The following SH3BP5 variants were observed in gnomAD, a reference collection of about 807,000 sequenced individuals.
SH3BP5 encodes SH3 domain binding protein 5.
In SH3BP5, 22 loss-of-function variants were observed where a neutral mutation model predicts 43.3. The observed-to-expected ratio is 0.51, with a 90% confidence interval of 0.36 to 0.73. The LOEUF (loss-of-function observed/expected upper bound fraction) is 0.73. Ranked by LOEUF, SH3BP5 falls within the 30% of genes least tolerant of loss-of-function variation. The pLI, the probability that SH3BP5 is intolerant of heterozygous loss-of-function variation, is 0.00. For missense variants in SH3BP5, 529 were observed against 586.9 expected (o/e 0.90, Z 1.02); for synonymous variants, 255 against 225.8 (o/e 1.13, Z -1.16).
intron 2 of SH3BP5, among the ~76,000 whole-genome samples, chr3:15,316,218 G>A (rs935153682): frequency 5.6e-5 from 6 of 106,278 alleles, no homozygotes; most frequent in Non-Finnish European, 9.5e-5. Context: ...GAAAAGACTC[G>A]CTTTTTTTTT....
rs753856713 is a variant in SH3BP5 at position 15,257,053 on chromosome 3, T to A, written c.950A>T (p.Glu317Val). The change falls in exon 8 of 9, where the codon GAA (glutamate) becomes GTA (valine). Residue 317 changes from glutamate to valine, a missense_variant. Coordinates refer to ENST00000383791, the MANE Select transcript of SH3BP5 (RefSeq NM_004844.5). ...ACTAAAGCTGGACACGGACTGGGTT[T>A]CCGAGTCATCTTCAGACACAAAGTT... ...CSNFVSEDDS[E>V]TQSVSSFSSG... 6.2e-7 allele frequency: 1 copy of A among 1,614,064 alleles called. No homozygotes were observed. Among genetic ancestry groups the A allele is most frequent in the Non-Finnish European group, 8.5e-7 (1 of 1,180,040 alleles).
At chr3:15,306,425 T>C (rs1489921274) in intron 2 of SH3BP5, among the ~76,000 whole-genome samples, 1 of 151,632 alleles carries the variant, frequency 6.6e-6, no homozygotes, top group Non-Finnish European at 1.5e-5. Context: ...GAAAGATCGC[T>C]TAAGCCCAGA....
intron 2 of SH3BP5, among the ~76,000 whole-genome samples, chr3:15,314,196 G>A (rs368301833): frequency 3.2e-4 from 49 of 151,924 alleles, no homozygotes; most frequent in African/African-American, 1.1e-3. Context: ...GCAGTGGCGC[G>A]ATCTCGGCTC....
rs370273754 is a variant in SH3BP5 at position 15,296,694 on chromosome 3, C to CTTTTT, written c.330+7404_330+7408dup. Among the ~76,000 whole-genome samples, 832 of 124,896 alleles carry CTTTTT rather than the reference C, an allele frequency of 6.7e-3. 61 individuals carry two copies. Among genetic ancestry groups the CTTTTT allele is most frequent in the African/African-American group, 0.027 (789 of 28,908 alleles). The allele number at this position is 124,896 out of a possible 152,430, so 81.9% of individuals were successfully genotyped here. ...ATCCTCCACTTACGAAGTGTTTTTC[C>CTTTTT]TTTTTTTTTTTTTTTTTGAGACAGG... On this transcript the variant is annotated intron_variant, in intron 3 of 8. Transcript: ENST00000383791.
chr3:15,273,841 GTT>G (rs113672949), intron 3 of SH3BP5, among the ~76,000 whole-genome samples: 8,266 of 152,204 alleles, frequency 0.054, 768 homozygotes, highest in African/African-American at 0.19. Flanking sequence ...TGGACTGAAT[GTT>G]TGTGCCCACC....
At chr3:15,279,332 A>G (rs1697057182) in intron 3 of SH3BP5, among the ~76,000 whole-genome samples, 1 of 152,182 alleles carries the variant, frequency 6.6e-6, no homozygotes, top group Admixed American at 6.5e-5. Context: ...CAAGAAATCT[A>G]TGGTATGTAT....
Position 15,323,164 on chromosome 3 carries a change from A to G in SH3BP5, c.201+7340T>C, listed in dbSNP as rs115546598. ...TAAATAAATAAATAAATAAATAAAT[A>G]AAGCAGGGCTCACTCAGGGAAACTA... On this transcript the variant is annotated intron_variant, in intron 2 of 8. Coordinates refer to ENST00000383791, the MANE Select transcript of SH3BP5 (RefSeq NM_004844.5). 2.4e-3 allele frequency among the ~76,000 whole-genome samples: 348 copies of G among 147,208 alleles called. 2 individuals carry two copies. Among genetic ancestry groups the G allele is most frequent in the African/African-American group, 8.3e-3 (332 of 39,898 alleles).
chr3:15,292,985 G>A (rs1697456372), intron 3 of SH3BP5, among the ~76,000 whole-genome samples: 1 of 152,174 alleles, frequency 6.6e-6, no homozygotes, highest in African/African-American at 2.4e-5. Context: ...TGTGTGTCAG[G>A]AGCCTTTGAC....
chr3:15,288,142 TG>T (rs1231105365), intron 3 of SH3BP5, among the ~76,000 whole-genome samples: 2 of 152,190 alleles, frequency 1.3e-5, no homozygotes, highest in African/African-American at 2.4e-5. Context: ...CTCTTGCTCA[TG>T]GGAGGTCCCT....
chr3:15,266,467 C>T (rs192634206), intron 4 of SH3BP5, among the ~76,000 whole-genome samples: 108 of 152,360 alleles, frequency 7.1e-4, no homozygotes, highest in African/African-American at 2.5e-3. Flanking sequence ...GCTCTTTCAG[C>T]AGACATCAGA....
At chr3:15,332,607 C>T (rs1213534594), upstream of SH3BP5, 26 of 1,190,874 alleles carry the variant, frequency 2.2e-5, no homozygotes, top group South Asian at 4.1e-5. Flanking sequence ...CGGCCGCCCC[C>T]TTTCTGCCGC....
intron 2 of SH3BP5, among the ~76,000 whole-genome samples, chr3:15,307,206 C>CCAT (rs946079599): frequency 6.6e-6 from 1 of 152,158 alleles, no homozygotes; most frequent in Non-Finnish European, 1.5e-5. Context: ...TGGTTCTGTG[C>CCAT]CATCATCATC....
At chr3:15,271,211 C>T (rs1559431737) in intron 3 of SH3BP5, among the ~76,000 whole-genome samples, 1 of 151,950 alleles carries the variant, frequency 6.6e-6, no homozygotes, top group Non-Finnish European at 1.5e-5. Flanking sequence ...GACCCTACTT[C>T]TGGAAAAAAT....
intron 3 of SH3BP5, among the ~76,000 whole-genome samples, chr3:15,280,809 TC>T (rs1368930071): frequency 1.3e-5 from 2 of 152,150 alleles, no homozygotes; most frequent in Admixed American, 1.3e-4. Context: ...TCTGCCTTTG[TC>T]CCCCACCTAC....
intron 7 of SH3BP5, among the ~76,000 whole-genome samples, chr3:15,257,876 A>AT (rs1696277920): frequency 6.6e-6 from 1 of 152,078 alleles, no homozygotes; most frequent in African/African-American, 2.4e-5. Flanking sequence ...GTAGCATTCC[A>AT]TAAAGGTTTC....
chr3:15,265,512 TCACACACACACACACA>T (rs368955496), intron 4 of SH3BP5, among the ~76,000 whole-genome samples: 57 of 107,984 alleles, frequency 5.3e-4, no homozygotes, highest in African/African-American at 1.7e-3. Context: ...CGAGACTCCG[TCACACACACACACACA>T]CACACACACA....
chr3:15,303,852 T>TC (rs1697822865), intron 3 of SH3BP5, among the ~76,000 whole-genome samples: 1 of 152,076 alleles, frequency 6.6e-6, no homozygotes, highest in African/African-American at 2.4e-5. Flanking sequence ...TCTGGACACG[T>TC]CCCCTTAAGT....
chr3:15,287,771 C>T (rs1697305566), intron 3 of SH3BP5, among the ~76,000 whole-genome samples: 1 of 152,146 alleles, frequency 6.6e-6, no homozygotes, highest in Admixed American at 6.5e-5. Context: ...GAGTAGAACA[C>T]CACGACGTAC....
chr3:15,321,837 C>T lies in SH3BP5; in HGVS notation c.201+8667G>A, dbSNP rs1698334414. On this transcript the variant is annotated intron_variant, in intron 2 of 8. Coordinates refer to ENST00000383791, the MANE Select transcript of SH3BP5 (RefSeq NM_004844.5). ...CAAAAAAAAAAAAAAAATCTAAAGT[C>T]TTACTCTCAATTTCTGTATTTACTT... Among the ~76,000 whole-genome samples, 4 of 151,634 alleles carry T rather than the reference C, an allele frequency of 2.6e-5. No homozygotes were observed. The South Asian group carries it at 8.3e-4, about 31-fold the overall frequency.
Sources: gnomAD v4.1 joint callset for allele counts (sites outside exome capture counted in the v4.1 genomes callset) on GRCh38, gnomAD v4.1.1 for gene constraint, MANE v1.5 for transcripts, NCBI Gene and HGNC (gene_info 2026-07-23, HGNC 2026-07-21) for gene names.